CFAP54: variants seen among roughly 807,000 people sequenced by gnomAD.
CFAP54 encodes cilia and flagella associated protein 54.
In CFAP54, 290 loss-of-function variants were observed where a neutral mutation model predicts 370.4. That is an observed-to-expected ratio of 0.78 (90% CI 0.71 to 0.86). The LOEUF (loss-of-function observed/expected upper bound fraction) is 0.86. CFAP54 is among the 40% of genes least tolerant of loss of function. CFAP54 has a pLI of 0.00. For synonymous variants in CFAP54, 1,206 were observed against 1,236.5 expected (o/e 0.98, Z 0.52); for missense variants, 3,399 against 3,528.7 (o/e 0.96, Z 0.93).
chr12:96,638,316 C>T (rs1956685935), intron 32 of CFAP54, among the ~76,000 whole-genome samples: 1 of 150,890 alleles, frequency 6.6e-6, no homozygotes. Flanking sequence ...TCACTGCAGC[C>T]TCAAAATCCT....
chr12:96,568,333 T>C (rs1955882376), intron 19 of CFAP54, among the ~76,000 whole-genome samples: 1 of 152,120 alleles, frequency 6.6e-6, no homozygotes. Flanking sequence ...TAGGATAGAC[T>C]CTTGAGATGC....
chr12:96,823,965 C>T (rs1310273599), intron 65 of CFAP54, among the ~76,000 whole-genome samples: 1 of 152,036 alleles, frequency 6.6e-6, no homozygotes, highest in Non-Finnish European at 1.5e-5. Context: ...CTCCCCCCAC[C>T]CACATTATAG....
intron 32 of CFAP54, among the ~76,000 whole-genome samples, 195 bp downstream of exon 32, chr12:96,630,846 A>C (rs1956600314): frequency 6.6e-6 from 1 of 152,024 alleles, no homozygotes; most frequent in Admixed American, 6.6e-5. Flanking sequence ...AATGGTGATA[A>C]ATGTTATAAA....
intron 14 of CFAP54, among the ~76,000 whole-genome samples, chr12:96,544,701 A>G (rs1955619044): frequency 2.0e-5 from 3 of 152,082 alleles, no homozygotes; most frequent in Non-Finnish European, 4.4e-5. Context: ...ATCTTAGTCC[A>G]TTTTCTGTTA....
intron 39 of CFAP54, among the ~76,000 whole-genome samples, chr12:96,664,713 ATCTATATATATCTATATATATATATC>A (rs1565934230): frequency 0.063 from 1,669 of 26,340 alleles, 45 homozygotes; most frequent in South Asian, 0.11. Flanking sequence ...ATATATATAT[ATCTATATATATCTATATATATATATC>A]TATATATATA....
chr12:96,691,576 T>C (rs1449008731), intron 44 of CFAP54, among the ~76,000 whole-genome samples: 1 of 152,186 alleles, frequency 6.6e-6, no homozygotes, highest in African/African-American at 2.4e-5. Context: ...GTTGGTGAAA[T>C]TGATCAGAAT....
intron 60 of CFAP54, among the ~76,000 whole-genome samples, chr12:96,780,726 C>A (rs540620842): frequency 1.3e-5 from 2 of 152,124 alleles, no homozygotes; most frequent in Admixed American, 6.5e-5. Context: ...AATTTTAAAT[C>A]ATCACAGATA....
chr12:96,805,893 T>A (rs1027757609), intron 63 of CFAP54, among the ~76,000 whole-genome samples: 1 of 151,644 alleles, frequency 6.6e-6, no homozygotes. Context: ...TAAAAAATAA[T>A]GAATCATGTC....
chr12:96,638,067 A>C (rs1216966676), intron 32 of CFAP54, among the ~76,000 whole-genome samples: 1 of 152,108 alleles, frequency 6.6e-6, no homozygotes, highest in Non-Finnish European at 1.5e-5. Flanking sequence ...TCATGAAGTG[A>C]CACACACTGT....
At chr12:96,722,864 G>C (rs1036595373) in intron 50 of CFAP54, among the ~76,000 whole-genome samples, 5 of 152,166 alleles carry the variant, frequency 3.3e-5, no homozygotes, top group African/African-American at 1.2e-4. Flanking sequence ...GAGAAAAAGA[G>C]AGGAGTCAAA....
chr12:96,539,161 A>G (rs1235045896), intron 13 of CFAP54, among the ~76,000 whole-genome samples: 1 of 148,714 alleles, frequency 6.7e-6, no homozygotes, highest in South Asian at 2.1e-4. Context: ...GCCGGGTTCA[A>G]GCGATTCTCC....
chr12:96,505,269 G>A (rs1050653866), intron 3 of CFAP54, among the ~76,000 whole-genome samples: 13 of 151,682 alleles, frequency 8.6e-5, no homozygotes. Context: ...TCACCATGTC[G>A]GTCAGGGTGG....
intron 46 of CFAP54, among the ~76,000 whole-genome samples, chr12:96,701,560 G>C (rs946509474): frequency 1.3e-5 from 2 of 151,908 alleles, no homozygotes; most frequent in African/African-American, 4.8e-5. Context: ...CAGAGTTGAG[G>C]GGATGGAGAG....
intron 50 of CFAP54, among the ~76,000 whole-genome samples, chr12:96,727,768 G>A (rs561639205): frequency 1.3e-5 from 2 of 151,966 alleles, no homozygotes; most frequent in South Asian, 4.2e-4. Flanking sequence ...TTTCTTCCTA[G>A]TCTCGATGGT....
At position 96,706,788 on chromosome 12, in the gene CFAP54, A is replaced by ATGTG. The variant is rs140060456; in HGVS notation, c.6529-1804_6529-1801dup. Among the ~76,000 whole-genome samples, 19 of 138,882 alleles carry ATGTG rather than the reference A, an allele frequency of 1.4e-4. No homozygotes were observed. The East Asian group carries it at 1.9e-3, about 14-fold the overall frequency. The allele number at this position is 138,882 out of a possible 152,430, so 91.1% of individuals were successfully genotyped here. A position where few individuals can be genotyped will look rare whatever the true frequency, so the allele number is the denominator to read the frequency against. Reference sequence around the variant, plus strand: ...CTCAAAGCACTTACATTGTGTGTGTATGTGTGTGTGTGTGTGTGTTTGTGT... The same window carrying ATGTG: ...CTCAAAGCACTTACATTGTGTGTGTATGTGTGTGTGTGTGTGTGTGTGTTTGTGT... On this transcript the variant is annotated intron_variant, in intron 47 of 67. Coordinates refer to ENST00000524981, the MANE Select transcript of CFAP54 (RefSeq NM_001306084.2).
At chr12:96,619,038 A>AT (rs1179525021) in intron 26 of CFAP54, among the ~76,000 whole-genome samples, 8 of 152,066 alleles carry the variant, frequency 5.3e-5, no homozygotes, top group African/African-American at 1.7e-4. Context: ...TAATTTTTGT[A>AT]TTTTTTGTAG....
chr12:96,578,221 A>C (rs1401482626), intron 20 of CFAP54, among the ~76,000 whole-genome samples: 1 of 152,216 alleles, frequency 6.6e-6, no homozygotes, highest in Non-Finnish European at 1.5e-5. Flanking sequence ...ATGTGCTTGC[A>C]TACTTTGAGC....
At chr12:96,781,250 A>G (rs1289493583) in intron 60 of CFAP54, among the ~76,000 whole-genome samples, 2 of 152,154 alleles carry the variant, frequency 1.3e-5, no homozygotes, top group Non-Finnish European at 2.9e-5. Flanking sequence ...ACTTCTCTCA[A>G]CAAGGAAGAA....
At chr12:96,522,597 T>C (rs556860462) in intron 8 of CFAP54, among the ~76,000 whole-genome samples, 1 of 152,304 alleles carries the variant, frequency 6.6e-6, no homozygotes, top group Admixed American at 6.5e-5. Context: ...GCCTTAGGTT[T>C]CACCCTTGGG....
Sources: allele counts gnomAD v4.1 joint callset (sites outside exome capture counted in the v4.1 genomes callset), GRCh38; gene constraint gnomAD v4.1.1; transcripts MANE v1.5; gene names NCBI Gene and HGNC (gene_info 2026-07-23, HGNC 2026-07-21).